Variants in SYNE1 observed in about 807,000 individuals in gnomAD.
The protein encoded by SYNE1 is nesprin-1.
In SYNE1, 616 loss-of-function variants were observed where a neutral mutation model predicts 1,111.0. The ratio of observed to expected loss-of-function variants is 0.55; its 90% CI spans 0.52 to 0.59. The LOEUF is 0.59. SYNE1 is among the 20% of genes least tolerant of loss of function. SYNE1 has a pLI of 0.00. For missense variants in SYNE1, 10,006 were observed against 10,417.0 expected, an observed-to-expected ratio of 0.96 and a Z score of 1.72; for synonymous variants, 3,855 against 3,825.8, an observed-to-expected ratio of 1.01 and a Z score of -0.28.
chr6:152,132,340 T>C, intron 143 of SYNE1, 126 bp from the exon 144 acceptor site: 1 of 823,816 alleles, frequency 1.2e-6, no homozygotes, highest in Non-Finnish European at 2.1e-6. Context: ...AATCAAACCA[T>C]TCCTTGGGGA....
At chr6:152,483,000 C>T (rs568019382) in intron 14 of SYNE1, 85 bp downstream of exon 14, 1 of 1,478,642 alleles carries the variant, frequency 6.8e-7, no homozygotes, top group African/African-American at 1.4e-5. Context: ...TGGGGCGTCC[C>T]CGCCAGAGCA....
At chr6:152,502,217 A>G (rs2099033725) in intron 10 of SYNE1, among the ~76,000 whole-genome samples, 1 of 144,518 alleles carries the variant, frequency 6.9e-6, no homozygotes, top group South Asian at 2.1e-4. Context: ...TTACTTCCAT[A>G]TGTTTGCTGT....
chr6:152,160,472 T>C (rs998487837), intron 131 of SYNE1, among the ~76,000 whole-genome samples: 2 of 152,170 alleles, frequency 1.3e-5, no homozygotes, highest in African/African-American at 4.8e-5. Context: ...GGGACTTTCC[T>C]GCACCTTCAC....
At position 152,176,383 on chromosome 6, in the gene SYNE1, G is replaced by C; in HGVS notation, c.23627+11C>G. 6.2e-7 allele frequency: 1 copy of C among 1,613,984 alleles called. No homozygotes were observed. Among genetic ancestry groups the C allele is most frequent in the South Asian group, 1.1e-5 (1 of 91,070 alleles). On this transcript the variant is annotated intron_variant, in intron 130 of 145. Transcript: ENST00000367255. ...GCCCACACGTGCCCTATTGACTCAG[G>C]TCCTCTTTACCTGGCTGCAATGAGG...
chr6:152,477,535 T>G (rs1193966518), intron 14 of SYNE1, among the ~76,000 whole-genome samples: 1 of 152,208 alleles, frequency 6.6e-6, no homozygotes, highest in African/African-American at 2.4e-5. Context: ...ATCTTTTCAA[T>G]GAGGCTTCAC....
intron 14 of SYNE1, among the ~76,000 whole-genome samples, chr6:152,475,473 T>A (rs9383995): frequency 0.52 from 79,097 of 152,102 alleles, 22,344 homozygotes; most frequent in East Asian, 0.76. Context: ...ATATCATATC[T>A]CATGTCATTG....
In SYNE1 at chr6:152,206,288, GAGA is replaced by G. The variant is rs1360697609; in HGVS notation, c.22896_22898del (p.Leu7633del). 4.3e-5 allele frequency: 70 copies of G among 1,613,930 alleles called. No individual in the cohort carries two copies. Among genetic ancestry groups the G allele is most frequent in the African/African-American group, 8.0e-5 (6 of 74,952 alleles). Reference sequence around the variant, plus strand: ...CGGCCTCAGCGCCACTGTCCGCCGAGAGAAGGAGTTGCTTGCCAGCCTCCACAG... The same window carrying G: ...CGGCCTCAGCGCCACTGTCCGCCGAGAGGAGTTGCTTGCCAGCCTCCACAG... On this transcript the variant is annotated inframe_deletion, in exon 126 of 146. Coordinates refer to ENST00000367255, the MANE Select transcript of SYNE1 (RefSeq NM_182961.4).
At chr6:152,337,100 T>C in intron 75 of SYNE1, 83 bp from the exon 76 acceptor site, 1 of 1,430,192 alleles carries the variant, frequency 7.0e-7, no homozygotes, top group Non-Finnish European at 9.6e-7. Flanking sequence ...ACTTTCCAGC[T>C]GGCCTGTGCA....
chr6:152,125,605 C>A, intron 145 of SYNE1: 1 of 394,468 alleles, frequency 2.5e-6, no homozygotes, highest in Admixed American at 3.8e-5. Flanking sequence ...CCCTGGCAAC[C>A]AACACTCAAC....
chr6:152,131,091 C>T (rs1456149596), intron 144 of SYNE1, among the ~76,000 whole-genome samples: 1 of 152,054 alleles, frequency 6.6e-6, no homozygotes, highest in Non-Finnish European at 1.5e-5. Flanking sequence ...GTAAAATGCA[C>T]TATGCCATAT....
intron 28 of SYNE1, among the ~76,000 whole-genome samples, chr6:152,448,368 C>G (rs1378112761): frequency 1.3e-5 from 2 of 152,282 alleles, no homozygotes; most frequent in Non-Finnish European, 1.5e-5. Context: ...AGGGCTTTGC[C>G]AGGGCAAATG....
At chr6:152,252,259 C>T (rs1229346259) in intron 104 of SYNE1, among the ~76,000 whole-genome samples, 1 of 151,316 alleles carries the variant, frequency 6.6e-6, no homozygotes, top group Non-Finnish European at 1.5e-5. Context: ...GCAACAAGAG[C>T]AAAACTCTGT....
At chr6:152,363,124 G>A (rs2096964567) in intron 63 of SYNE1, among the ~76,000 whole-genome samples, 1 of 150,630 alleles carries the variant, frequency 6.6e-6, no homozygotes, top group Non-Finnish European at 1.5e-5. Context: ...CTTGTGATCT[G>A]CCTGCCTCGG....
intron 132 of SYNE1, 130 bp from the exon 133 acceptor site, chr6:152,155,172 C>G: frequency 1.8e-6 from 2 of 1,102,456 alleles, no homozygotes; most frequent in Non-Finnish European, 2.7e-6. Flanking sequence ...ATAACCATTC[C>G]TCGAGCCAAA....
rs779637690 is a variant in SYNE1, at chr6:152,465,239, T to C, written c.1932+19A>G. Reference sequence around the variant, plus strand: ...TACATACATCAAACGTCTTTTCTTTTTGCATGAACCAATCTTACCTTTTTG... The same window carrying C: ...TACATACATCAAACGTCTTTTCTTTCTGCATGAACCAATCTTACCTTTTTG... On this transcript the variant is annotated intron_variant, in intron 18 of 145. Transcript: ENST00000367255. The C allele has an allele frequency of 6.8e-6, 11 of 1,612,826 alleles. No individual in the cohort carries two copies. In the Admixed American group the frequency reaches 1.5e-4, roughly 22 times the overall value.
At chr6:152,551,855 T>C (rs1019164613) in intron 3 of SYNE1, among the ~76,000 whole-genome samples, 5 of 152,136 alleles carry the variant, frequency 3.3e-5, no homozygotes, top group Non-Finnish European at 7.3e-5. Context: ...ACAGAAGCCT[T>C]GAGAAGGACT....
intron 74 of SYNE1, among the ~76,000 whole-genome samples, chr6:152,340,213 C>T (rs1368672158): frequency 6.6e-6 from 1 of 152,120 alleles, no homozygotes; most frequent in Non-Finnish European, 1.5e-5. Context: ...TAAGAACATT[C>T]CAGGCAGGTG....
At chr6:152,486,319 C>A (rs150970782) in intron 12 of SYNE1, among the ~76,000 whole-genome samples, 2 of 151,980 alleles carry the variant, frequency 1.3e-5, no homozygotes, top group African/African-American at 4.8e-5. Context: ...GCAGCATTTG[C>A]TACAGATTGA....
chr6:152,368,787 T>G (rs2154084115), intron 61 of SYNE1, 185 bp downstream of exon 61: 1 of 731,802 alleles, frequency 1.4e-6, no homozygotes, highest in Non-Finnish European at 2.4e-6. Context: ...ACATCAAGCT[T>G]ATGCAACAAC....
Sources: gnomAD v4.1 joint callset for allele counts (sites outside exome capture counted in the v4.1 genomes callset) on GRCh38, gnomAD v4.1.1 for gene constraint, MANE v1.5 for transcripts, NCBI Gene and HGNC (gene_info 2026-07-23, HGNC 2026-07-21) for gene names.